EML5: variants seen among roughly 807,000 people sequenced by gnomAD.
EML5 encodes the protein echinoderm microtubule-associated protein-like 5.
A neutral mutation model predicts 250.0 loss-of-function variants in EML5; 120 were observed. The ratio of observed to expected loss-of-function variants is 0.48; its 90% CI spans 0.41 to 0.56. EML5 has a LOEUF of 0.56. Among genes scored for constraint, EML5 ranks in the 20% least tolerant of loss-of-function variants. The pLI is 0.00. For synonymous variants in EML5, 771 were observed against 806.5 expected, an observed-to-expected ratio of 0.96 and a Z score of 0.75; for missense variants, 2,006 against 2,437.6, an observed-to-expected ratio of 0.82 and a Z score of 3.73.
At chr14:88,722,898 C>T (rs867031244) in intron 8 of EML5, among the ~76,000 whole-genome samples, 1 of 151,756 alleles carries the variant, frequency 6.6e-6, no homozygotes, top group Admixed American at 6.6e-5. Flanking sequence ...TACTTTGTAA[C>T]TTAAAATAAA....
intron 7 of EML5, among the ~76,000 whole-genome samples, chr14:88,729,645 C>T (rs889622019): frequency 1.4e-4 from 21 of 151,876 alleles, no homozygotes; most frequent in African/African-American, 4.1e-4. Context: ...CTGCAACCTC[C>T]GCCTCCCAGG....
In EML5 at chr14:88,740,419, T is replaced by G; in HGVS notation, c.679A>C (p.Asn227His). 6.2e-7 allele frequency: 1 copy of G among 1,613,220 alleles called. No homozygotes were observed. The highest frequency in any genetic ancestry group is 8.5e-7 in the Non-Finnish European group (1 of 1,179,596). ...GCTCCTTGTATTGTTCGTATAAGAT[T>G]GATTCCTTTCCAAACATATATATCC... is the stretch of plus-strand genomic sequence containing the variant. ...NGDIYVWKGINLIRTIQGAHA... is the reference protein window; with the variant it reads ...NGDIYVWKGIHLIRTIQGAHA... Residue 227 changes from asparagine (N) to histidine (H), a missense_variant, in exon 5 of 44, where the codon AAT becomes CAT. By Grantham distance (68) the Asn-to-His change is moderately conservative. Transcript: ENST00000554922.
chr14:88,696,904 G>T lies in EML5; in HGVS notation c.2287C>A (p.Pro763Thr). 1.2e-6 allele frequency: 2 copies of T among 1,610,038 alleles called. No individual in the cohort carries two copies. Among genetic ancestry groups the T allele is most frequent in the East Asian group, 2.2e-5 (1 of 44,710 alleles). Reference sequence around the variant, plus strand: ...TGGTGGCCCTTTAATATGGACAATGGTTTAATGGTCTCTGTATCCCATATA... The same window carrying T: ...TGGTGGCCCTTTAATATGGACAATGTTTTAATGGTCTCTGTATCCCATATA... ...IHIWDTETIK[P>T]LSILKGHHQY... The change falls in exon 15 of 44, where the codon CCA (proline) becomes ACA (threonine). Residue 763 changes from proline to threonine, a missense_variant. Pro to Thr is a conservative substitution (Grantham distance 38, BLOSUM62 -1). Transcript: ENST00000554922.
Position 88,736,519 on chromosome 14 carries a change from A to G in EML5, c.894T>C (p.Val298=). Residue 298 remains valine, a synonymous_variant, in exon 7 of 44, where the codon GTT becomes GTC. Coordinates refer to ENST00000554922, the MANE Select transcript of EML5 (RefSeq NM_183387.3). ...CAAAAATTTCACTGTCCTGTGTTCC[A>G]ACTAGAATGTGGTCACCTCGCCAAC... is the stretch of plus-strand genomic sequence containing the variant. The part of the protein sequence containing the change: ...SVCWRGDHIL[V]GTQDSEIFEI... 6.2e-7 allele frequency: 1 copy of G among 1,614,030 alleles called. No individual in the cohort carries two copies. Among genetic ancestry groups the G allele is most frequent in the South Asian group, 1.1e-5 (1 of 91,080 alleles).
At chr14:88,647,067 T>C (rs1442274749) in intron 28 of EML5, 112 bp from the exon 29 acceptor site, 3 of 979,302 alleles carry the variant, frequency 3.1e-6, no homozygotes, top group Non-Finnish European at 4.4e-6. Context: ...TGCAGACAGC[T>C]ATATTGCATA....
intron 3 of EML5, among the ~76,000 whole-genome samples, chr14:88,745,464 T>C (rs2093992094): frequency 6.6e-6 from 1 of 152,146 alleles, no homozygotes; most frequent in Admixed American, 6.6e-5. Flanking sequence ...ATTGTTTATA[T>C]ACAATTTGGA....
chr14:88,739,497 T>G (rs1248042116), intron 5 of EML5, among the ~76,000 whole-genome samples: 1 of 152,174 alleles, frequency 6.6e-6, no homozygotes, highest in East Asian at 1.9e-4. Context: ...AAAATAAATT[T>G]AATTCCTATA....
intron 10 of EML5, among the ~76,000 whole-genome samples, chr14:88,707,486 G>A (rs1199110950): frequency 2.6e-5 from 4 of 151,894 alleles, no homozygotes; most frequent in Non-Finnish European, 5.9e-5. Flanking sequence ...GCATTATACA[G>A]ATATTCTTAT....
chr14:88,785,186 G>C (rs572268190), intron 1 of EML5, among the ~76,000 whole-genome samples: 2 of 152,282 alleles, frequency 1.3e-5, no homozygotes, highest in South Asian at 4.1e-4. Flanking sequence ...CCAGAAGCTG[G>C]AAAGGGTCGT....
chr14:88,670,952 G>A (rs1245631501), intron 21 of EML5, among the ~76,000 whole-genome samples: 1 of 151,892 alleles, frequency 6.6e-6, no homozygotes, highest in African/African-American at 2.4e-5. Flanking sequence ...ACTGACTGGG[G>A]TACCTGAACA....
At chr14:88,715,660 CT>C (rs1020317324) in intron 8 of EML5, among the ~76,000 whole-genome samples, 505 of 141,446 alleles carry the variant, frequency 3.6e-3, no homozygotes, top group Middle Eastern at 7.4e-3. Context: ...TTCAGTAATA[CT>C]TTTTTTTTTT....
Position 88,713,717 on chromosome 14 carries a change from A to G in EML5, c.1444+1222T>C, listed in dbSNP as rs183381873. ...GAGATCCTTCCACTTTGGCCTCCCAAAGTGCTGGGATTACAGGCGTGAGGC... is the reference window on the plus strand; with the variant it reads ...GAGATCCTTCCACTTTGGCCTCCCAGAGTGCTGGGATTACAGGCGTGAGGC... On this transcript the variant is annotated intron_variant, in intron 9 of 43. Coordinates refer to ENST00000554922, the MANE Select transcript of EML5 (RefSeq NM_183387.3). 3.3e-5 allele frequency among the ~76,000 whole-genome samples: 5 copies of G among 151,872 alleles called. No homozygotes were observed. In the East Asian group the frequency reaches 9.7e-4, roughly 29 times the overall value.
rs1555374466 is a variant in EML5, at chr14:88,759,698, A to AAAACAAAAAAAAAC, written c.198-5028_198-5027insGTTTTTTTTTGTTT. On this transcript the variant is annotated intron_variant, in intron 1 of 43. Transcript: ENST00000554922. ...GTCACCATCTCTTAAAAAAAAAAAA[A>AAAACAAAAAAAAAC]AAAAAACTGGGGAGAAAAACTATGC... Among the ~76,000 whole-genome samples, 6 of 142,112 alleles carry AAAACAAAAAAAAAC rather than the reference A, an allele frequency of 4.2e-5. 1 individual carries two copies. The highest frequency in any genetic ancestry group is 1.6e-4 in the African/African-American group (6 of 37,006). 93.2% of individuals were successfully genotyped at this position (142,112 alleles called of 152,430 possible). A position where few individuals can be genotyped will look rare whatever the true frequency, so the allele number is the denominator to read the frequency against.
At chr14:88,748,709 G>T (rs2094044870) in intron 2 of EML5, among the ~76,000 whole-genome samples, 1 of 151,854 alleles carries the variant, frequency 6.6e-6, no homozygotes, top group South Asian at 2.1e-4. Context: ...ACATTTTCAA[G>T]ACAAGAATTA....
intron 21 of EML5, among the ~76,000 whole-genome samples, chr14:88,665,742 G>GGTAA (rs1053439045): frequency 1.3e-5 from 2 of 152,002 alleles, no homozygotes; most frequent in Non-Finnish European, 2.9e-5. Flanking sequence ...AGGGAAGACA[G>GGTAA]GTAAGTAAGT....
At chr14:88,764,337 T>C (rs2094291689) in intron 1 of EML5, among the ~76,000 whole-genome samples, 1 of 152,220 alleles carries the variant, frequency 6.6e-6, no homozygotes, top group Non-Finnish European at 1.5e-5. Context: ...TTTATTCTTG[T>C]AAGTTTGGTA....
At chr14:88,727,040 T>C (rs2093676942) in intron 7 of EML5, among the ~76,000 whole-genome samples, 1 of 149,828 alleles carries the variant, frequency 6.7e-6, no homozygotes, top group African/African-American at 2.4e-5. Flanking sequence ...GGCTATGTTT[T>C]GTTGTTGTTG....
In EML5 at chr14:88,792,622, A is replaced by C; in HGVS notation, c.-119T>G. Reference sequence around the variant, plus strand: ...GGACTTCCCGCCAGCCGCGTCCTCTAAGCCGCGCCCGTCAGGTGCATCTCG... The same window carrying C: ...GGACTTCCCGCCAGCCGCGTCCTCTCAGCCGCGCCCGTCAGGTGCATCTCG... On this transcript the variant is annotated 5_prime_UTR_variant, in exon 1 of 44. An upstream open reading frame in the 5' UTR loses its in-frame stop. Coordinates refer to ENST00000554922, the MANE Select transcript of EML5 (RefSeq NM_183387.3). The surrounding 1 kb of genome is among the most constrained non-coding windows in gnomAD (Gnocchi z 6.9). The C allele has an allele frequency of 8.6e-7, 1 of 1,160,650 alleles. No homozygotes were observed. The allele number at this position is 1,160,650 out of a possible 1,614,324, so 71.9% of individuals were successfully genotyped here. A position where few individuals can be genotyped will look rare whatever the true frequency, so the allele number is the denominator to read the frequency against.
chr14:88,753,740 T>C (rs1270580916), intron 2 of EML5, among the ~76,000 whole-genome samples: 1 of 152,226 alleles, frequency 6.6e-6, no homozygotes, highest in Non-Finnish European at 1.5e-5. Context: ...ATTATATCCT[T>C]TGTTGTGAAC....
Sources: gnomAD v4.1 joint callset for allele counts (sites outside exome capture counted in the v4.1 genomes callset) on GRCh38, gnomAD v4.1.1 for gene constraint, Gnocchi (gnomAD v3.1) non-coding constraint, MANE v1.5 for transcripts, NCBI Gene and HGNC (gene_info 2026-07-23, HGNC 2026-07-21) for gene names.